Variants in GNAI2 observed in about 807,000 individuals in gnomAD.
GNAI2 encodes the protein G protein subunit alpha i2.
Under a neutral mutation model 36.8 loss-of-function variants are expected in GNAI2, and 4 were observed. That is an observed-to-expected ratio of 0.11 (90% CI 0.05 to 0.25). The LOEUF (loss-of-function observed/expected upper bound fraction) is 0.25, where lower values mean the gene tolerates loss of function less well. GNAI2 is among the 10% of genes least tolerant of loss of function. The pLI, the probability that GNAI2 is intolerant of heterozygous loss-of-function variation, is 1.00. For missense variants in GNAI2, 230 were observed against 481.3 expected, an observed-to-expected ratio of 0.48 and a Z score of 4.89; for synonymous variants, 194 against 194.1, an observed-to-expected ratio of 1.00 and a Z score of 0.01.
At chr3:50,254,008 C>T (rs1410182538) in intron 4 of GNAI2, among the ~76,000 whole-genome samples, 3 of 151,824 alleles carry the variant, frequency 2.0e-5, no homozygotes, top group Non-Finnish European at 4.4e-5. Flanking sequence ...TGGAGGGGGC[C>T]ACAGGGGAGG....
At chr3:50,236,158 G>C (rs1700160262), upstream of GNAI2, 1 of 1,159,948 alleles carries the variant, frequency 8.6e-7, no homozygotes, top group African/African-American at 1.6e-5. The surrounding 1 kb of genome is among the most constrained non-coding windows in gnomAD (Gnocchi z 4.0). Context: ...CCCACCCCCG[G>C]CCCGCCCCGC....
upstream of GNAI2, among the ~76,000 whole-genome samples, chr3:50,232,211 TC>T (rs1355265162): frequency 2.0e-5 from 3 of 152,166 alleles, no homozygotes; most frequent in East Asian, 5.8e-4. Flanking sequence ...GCGCCTGTAA[TC>T]CCAGCTACTT....
intron 1 of GNAI2, among the ~76,000 whole-genome samples, chr3:50,246,519 A>AC (rs1270952222): frequency 6.6e-6 from 1 of 151,812 alleles, no homozygotes; most frequent in Non-Finnish European, 1.5e-5. Flanking sequence ...GCTCAGGGCT[A>AC]CCCCCACCTG....
At chr3:50,227,598 A>G (rs1398279194), upstream of GNAI2, 1 of 158,496 alleles carries the variant, frequency 6.3e-6, no homozygotes, top group Admixed American at 6.5e-5. This position sits in a 1 kb window ranked among gnomAD's most constrained non-coding sequence, Gnocchi z 5.9. Context: ...GGTGCAGCGC[A>G]CCCCGAGGCC....
chr3:50,252,292 C>T lies in GNAI2; in HGVS notation c.162-105C>T. The T allele has an allele frequency of 1.4e-6, 2 of 1,422,486 alleles. No individual in the cohort carries two copies. The highest frequency in any genetic ancestry group is 2.0e-6 in the Non-Finnish European group (2 of 1,013,932). 88.1% of individuals were successfully genotyped at this position (1,422,486 alleles called of 1,614,324 possible). A position where few individuals can be genotyped will look rare whatever the true frequency, so the allele number is the denominator to read the frequency against. Reference sequence around the variant, plus strand: ...GAAGGACCCTCAGGTCCCAGTGGGTCAGGGGCAGTTTTCCCTTCTCTGAAG... The same window carrying T: ...GAAGGACCCTCAGGTCCCAGTGGGTTAGGGGCAGTTTTCCCTTCTCTGAAG... On this transcript the variant is annotated intron_variant, in intron 2 of 8. Transcript: ENST00000313601. This position sits in a 1 kb window ranked among gnomAD's most constrained non-coding sequence, Gnocchi z 4.1.
Position 50,256,768 on chromosome 3 carries a change from C to T in GNAI2, c.639C>T (p.Ile213=), listed in dbSNP as rs781916903. The change falls in exon 6 of 9, where the codon ATC becomes ATT. Residue 213 remains isoleucine (I), a synonymous_variant. Coordinates refer to ENST00000313601, the MANE Select transcript of GNAI2 (RefSeq NM_002070.4). The part of the protein sequence containing the change: ...GGQRSERKKW[I]HCFEGVTAII... The stretch of plus-strand genomic sequence containing the variant: ...AGCGGTCTGAGCGGAAGAAGTGGAT[C>T]CACTGCTTTGAGGGCGTCACAGCCA... 1.2e-6 allele frequency: 2 copies of T among 1,614,024 alleles called. No homozygotes were observed. Among genetic ancestry groups the T allele is most frequent in the Admixed American group, 1.7e-5 (1 of 60,020 alleles).
chr3:50,236,072 A>G, upstream of GNAI2: 1 of 568,074 alleles, frequency 1.8e-6, no homozygotes, highest in East Asian at 7.0e-5. This position sits in a 1 kb window ranked among gnomAD's most constrained non-coding sequence, Gnocchi z 4.0. Context: ...CCTCGAGCCA[A>G]TCAACAGCCT....
chr3:50,236,137 T>G, upstream of GNAI2: 1 of 1,117,032 alleles, frequency 9.0e-7, no homozygotes, highest in Non-Finnish European at 1.1e-6. This position sits in a 1 kb window ranked among gnomAD's most constrained non-coding sequence, Gnocchi z 4.0. Flanking sequence ...ACAGGCTTGG[T>G]TCGCCCAGGC....
intron 1 of GNAI2, chr3:50,251,729 G>T: frequency 7.6e-7 from 1 of 1,321,406 alleles, no homozygotes; most frequent in Non-Finnish European, 9.9e-7. Flanking sequence ...ATATTGGCAT[G>T]CACCAGCTGC....
Position 50,253,645 on chromosome 3 carries a change from G to A in GNAI2, c.464+461G>A. 6.6e-6 allele frequency among the ~76,000 whole-genome samples: 1 copy of A among 152,230 alleles called. No individual in the cohort carries two copies. The highest frequency in any genetic ancestry group is 1.9e-4 in the East Asian group (1 of 5,198). ...TGTAGTCCCAGCTACTCAGGAGGCT[G>A]AGGCAGGAGAATGGCGTGAACCTGG... is the stretch of plus-strand genomic sequence containing the variant. On this transcript the variant is annotated intron_variant, in intron 4 of 8. Coordinates refer to ENST00000313601, the MANE Select transcript of GNAI2 (RefSeq NM_002070.4). This position sits in a 1 kb window ranked among gnomAD's most constrained non-coding sequence, Gnocchi z 4.2.
At chr3:50,233,122 C>T (rs1184128016), upstream of GNAI2, among the ~76,000 whole-genome samples, 3 of 151,820 alleles carry the variant, frequency 2.0e-5, no homozygotes, top group Non-Finnish European at 1.5e-5. Flanking sequence ...GGCCATAGCC[C>T]TGGGGACCCC....
chr3:50,227,124 A>G, upstream of GNAI2: 1 of 1,409,662 alleles, frequency 7.1e-7, no homozygotes, highest in Non-Finnish European at 9.3e-7. The surrounding 1 kb of genome is among the most constrained non-coding windows in gnomAD (Gnocchi z 5.9). Context: ...GGAGCGTCTC[A>G]TGACGGAGGG....
upstream of GNAI2, chr3:50,236,037 C>T (rs587653277): frequency 6.9e-6 from 2 of 288,884 alleles, no homozygotes; most frequent in Non-Finnish European, 1.1e-5. The surrounding 1 kb of genome is among the most constrained non-coding windows in gnomAD (Gnocchi z 4.0). Context: ...GCCTGGGCTG[C>T]GCCTAACTTC....
upstream of GNAI2, chr3:50,230,636 C>A (rs1700053005): frequency 5.6e-6 from 1 of 177,770 alleles, no homozygotes; most frequent in African/African-American, 2.4e-5. Flanking sequence ...CCAAGCTGGA[C>A]CTGCTGTGCT....
At chr3:50,256,615 C>T in intron 5 of GNAI2, 108 bp from the exon 6 acceptor site, 2 of 1,193,164 alleles carry the variant, frequency 1.7e-6, no homozygotes, top group Non-Finnish European at 2.4e-6. Context: ...CAGAAGGTAG[C>T]TGCCCTACTC....
chr3:50,236,157 G>A, upstream of GNAI2: 1 of 1,159,514 alleles, frequency 8.6e-7, no homozygotes, highest in African/African-American at 1.6e-5. This position sits in a 1 kb window ranked among gnomAD's most constrained non-coding sequence, Gnocchi z 4.0. Context: ...CCCCACCCCC[G>A]GCCCGCCCCG....
At chr3:50,247,832 G>A (rs1326573382) in intron 1 of GNAI2, among the ~76,000 whole-genome samples, 1 of 152,270 alleles carries the variant, frequency 6.6e-6, no homozygotes, top group African/African-American at 2.4e-5. Flanking sequence ...GGCCTCTCTG[G>A]TCTTACCCAG....
upstream of GNAI2, among the ~76,000 whole-genome samples, chr3:50,228,599 C>G (rs1373471522): frequency 1.3e-5 from 2 of 152,004 alleles, no homozygotes; most frequent in Non-Finnish European, 2.9e-5. Context: ...GCCTTCAACA[C>G]CCTCCAGTTG....
At chr3:50,257,985 T>C in intron 8 of GNAI2, 1 of 333,832 alleles carries the variant, frequency 3.0e-6, no homozygotes, top group Non-Finnish European at 5.5e-6. Context: ...GAGGCCATCC[T>C]GATGTTCCCT....
Sources: allele counts gnomAD v4.1 joint callset (sites outside exome capture counted in the v4.1 genomes callset), GRCh38; gene constraint gnomAD v4.1.1; non-coding constraint Gnocchi (gnomAD v3.1); transcripts MANE v1.5; gene names NCBI Gene and HGNC (gene_info 2026-07-23, HGNC 2026-07-21).